Variants in TEX48 observed in about 807,000 individuals in gnomAD.
TEX48 encodes the protein testis expressed 48, also known as testis-expressed protein 48.
Under a neutral mutation model 13.2 loss-of-function variants are expected in TEX48, and 10 were observed. The observed-to-expected ratio is 0.75, with a 90% CI of 0.47 to 1.28. The LOEUF (loss-of-function observed/expected upper bound fraction) is 1.28. Ranked by LOEUF, TEX48 falls within the 50% of genes most tolerant of loss-of-function variation. The pLI is 0.00. For synonymous variants in TEX48, 45 were observed against 52.3 expected, an observed-to-expected ratio of 0.86 and a Z score of 0.60; for missense variants, 116 against 139.4, an observed-to-expected ratio of 0.83 and a Z score of 0.84.
At chr9:114,667,353 G>A (rs144881668) in intron 4 of TEX48, among the ~76,000 whole-genome samples, 7 of 152,298 alleles carry the variant, frequency 4.6e-5, no homozygotes, top group African/African-American at 1.7e-4. Flanking sequence ...CAGCAATGTG[G>A]CTGCATTTCT....
chr9:114,670,885 TAATG>T (rs949781528), intron 3 of TEX48, among the ~76,000 whole-genome samples: 25 of 152,206 alleles, frequency 1.6e-4, no homozygotes, highest in Non-Finnish European at 3.1e-4. Context: ...CTCACAATAA[TAATG>T]TATTGTGAAT....
intron 4 of TEX48, among the ~76,000 whole-genome samples, chr9:114,667,100 G>T (rs1014907871): frequency 6.6e-6 from 1 of 152,214 alleles, no homozygotes; most frequent in East Asian, 1.9e-4. Flanking sequence ...CTATGGGGGG[G>T]TGGGAAGGGC....
Position 114,680,120 on chromosome 9 carries a change from C to CTTTTTTTTTTTTTTTTTTTTTTTT in TEX48, c.-105+1914_-105+1915insAAAAAAAAAAAAAAAAAAAAAAAA, listed in dbSNP as rs2079145442. ...GAAAATACTTTTAATTGTCATTGTC[C>CTTTTTTTTTTTTTTTTTTTTTTTT]CTTTTTTTTTTTTTTTTTTTTTTTG... On this transcript the variant is annotated intron_variant, in intron 1 of 4. Coordinates refer to ENST00000436752, the MANE Select transcript of TEX48 (RefSeq NM_001199233.2). Among the ~76,000 whole-genome samples, 19 of 52,126 alleles carry CTTTTTTTTTTTTTTTTTTTTTTTT rather than the reference C, an allele frequency of 3.6e-4. 1 individual carries two copies. Among genetic ancestry groups the CTTTTTTTTTTTTTTTTTTTTTTTT allele is most frequent in the Non-Finnish European group, 5.6e-4 (15 of 26,614 alleles). 34.2% of individuals were successfully genotyped at this position (52,126 alleles called of 152,430 possible). A position where few individuals can be genotyped will look rare whatever the true frequency, so the allele number is the denominator to read the frequency against.
chr9:114,668,430 A>T, intron 3 of TEX48, 93 bp from the exon 4 acceptor site: 1 of 1,153,662 alleles, frequency 8.7e-7, no homozygotes. Context: ...CAGCGCACAC[A>T]GGCAAGTGGG....
intron 2 of TEX48, 48 bp from the exon 3 acceptor site, chr9:114,671,553 C>G: frequency 2.0e-6 from 3 of 1,533,544 alleles, no homozygotes; most frequent in Non-Finnish European, 2.6e-6. Flanking sequence ...AATCTGAATT[C>G]CAGATGCCTA....
In TEX48 at chr9:114,671,458, C is replaced by T. The variant is rs933987898; in HGVS notation, c.52G>A (p.Asp18Asn). 67 of 1,535,364 alleles carry T rather than the reference C, an allele frequency of 4.4e-5. No homozygotes were observed. The highest frequency in any genetic ancestry group is 5.6e-5 in the Non-Finnish European group (64 of 1,146,870). Reference protein sequence around the residue: ...ILKIFCLCCRDCQEPYAINDS... With the variant: ...ILKIFCLCCRNCQEPYAINDS... ...TTGATGGCATAGGGCTCCTGACAGTCCCTGCAGCATAAACAGAAGATCTTC... is the reference window on the plus strand; with the variant it reads ...TTGATGGCATAGGGCTCCTGACAGTTCCTGCAGCATAAACAGAAGATCTTC... The change falls in exon 3 of 5, where the codon GAC becomes AAC. Residue 18 changes from aspartate to asparagine, a missense_variant. Transcript: ENST00000436752.
intron 1 of TEX48, among the ~76,000 whole-genome samples, chr9:114,673,654 T>A (rs1233896012): frequency 2.0e-5 from 3 of 151,942 alleles, no homozygotes; most frequent in African/African-American, 4.8e-5. Context: ...ATGAAGACAT[T>A]ATAAGATAAA....
intron 1 of TEX48, among the ~76,000 whole-genome samples, chr9:114,673,469 C>T (rs1827986807): frequency 2.6e-5 from 1 of 38,506 alleles, no homozygotes; most frequent in Non-Finnish European, 4.7e-5. Flanking sequence ...AAAACTCTGT[C>T]TCAAAAAAAA....
At chr9:114,676,498 A>G (rs1289713059) in intron 1 of TEX48, among the ~76,000 whole-genome samples, 1 of 148,042 alleles carries the variant, frequency 6.8e-6, no homozygotes, top group African/African-American at 2.5e-5. Flanking sequence ...TTCTTCATTT[A>G]TTTCACATGT....
chr9:114,666,507 G>C lies in TEX48; in HGVS notation c.*136C>G. 1 of 573,764 alleles carries C rather than the reference G, an allele frequency of 1.7e-6. No individual in the cohort carries two copies. Among genetic ancestry groups the C allele is most frequent in the Non-Finnish European group, 3.0e-6 (1 of 331,124 alleles). 35.5% of individuals were successfully genotyped at this position (573,764 alleles called of 1,614,324 possible). On this transcript the variant is annotated 3_prime_UTR_variant, in exon 5 of 5. Coordinates refer to ENST00000436752, the MANE Select transcript of TEX48 (RefSeq NM_001199233.2). ...CTTTTTAGGAGCTGGAGTGACTCTT[G>C]CTTGGTGGCACAAGGATGGCTCAGA...
chr9:114,673,749 A>T (rs76063798), intron 1 of TEX48, among the ~76,000 whole-genome samples: 19,601 of 152,060 alleles, frequency 0.13, 1,489 homozygotes, highest in East Asian at 0.23. Flanking sequence ...ATGGAAATTC[A>T]CATTTACAGA....
chr9:114,675,665 A>C (rs1454232042), intron 1 of TEX48, among the ~76,000 whole-genome samples: 2 of 152,194 alleles, frequency 1.3e-5, no homozygotes, highest in Non-Finnish European at 2.9e-5. Context: ...TCTGGTAGAC[A>C]TGTAAATCCT....
chr9:114,681,973 C>G (rs1589382028), intron 1 of TEX48, 62 bp downstream of exon 1: 1 of 152,038 alleles, frequency 6.6e-6, no homozygotes, highest in Non-Finnish European at 1.5e-5. Flanking sequence ...GGACATTGTG[C>G]CTTTTAGTAC....
At position 114,671,846 on chromosome 9, in the gene TEX48, G is replaced by A. The variant is rs557399854; in HGVS notation, c.-104-19C>T. 301 of 1,129,480 alleles carry A rather than the reference G, an allele frequency of 2.7e-4. 2 individuals are homozygous for A. Among genetic ancestry groups the A allele is most frequent in the South Asian group, 2.5e-3 (185 of 74,600 alleles). 70.0% of individuals were successfully genotyped at this position (1,129,480 alleles called of 1,614,324 possible). ...CTGTTTCCTAAGTAAACATAAGACC[G>A]TGGCTGAAAAATGCTAGTCCTTCAC... On this transcript the variant is annotated intron_variant, in intron 1 of 4. Transcript: ENST00000436752.
chr9:114,681,241 C>T (rs867356822), intron 1 of TEX48, among the ~76,000 whole-genome samples: 2 of 152,244 alleles, frequency 1.3e-5, no homozygotes, highest in Middle Eastern at 3.4e-3. Context: ...TGTTGACACC[C>T]CGTGCTGATG....
intron 1 of TEX48, among the ~76,000 whole-genome samples, chr9:114,679,908 G>A (rs545406965): frequency 2.6e-5 from 4 of 151,958 alleles, no homozygotes; most frequent in Non-Finnish European, 5.9e-5. Context: ...AGAAACCTTC[G>A]GGTTTTATTT....
In TEX48 at chr9:114,671,703, G is replaced by C. The variant is rs772273678; in HGVS notation, c.4+17C>G. The stretch of plus-strand genomic sequence containing the variant: ...TGCCTAGGCCATTTTTTCCTATTCT[G>C]TACAAAGTTTTCTTACCCATGGAAA... On this transcript the variant is annotated intron_variant, in intron 2 of 4. Transcript: ENST00000436752. The C allele has an allele frequency of 6.5e-7, 1 of 1,535,526 alleles. No individual in the cohort carries two copies. Among genetic ancestry groups the C allele is most frequent in the East Asian group, 2.4e-5 (1 of 40,902 alleles).
chr9:114,676,416 T>C (rs1163629733), intron 1 of TEX48, among the ~76,000 whole-genome samples: 1 of 152,112 alleles, frequency 6.6e-6, no homozygotes, highest in Admixed American at 6.5e-5. Flanking sequence ...AGAGATCTCC[T>C]GCCTCAGCCT....
intron 3 of TEX48, among the ~76,000 whole-genome samples, chr9:114,670,606 C>A (rs967285553): frequency 6.6e-6 from 1 of 151,982 alleles, no homozygotes. Flanking sequence ...AGGGTGACTT[C>A]TCTGTCTCTC....
Sources: allele counts gnomAD v4.1 joint callset (sites outside exome capture counted in the v4.1 genomes callset), GRCh38; gene constraint gnomAD v4.1.1; transcripts MANE v1.5; gene names NCBI Gene and HGNC (gene_info 2026-07-23, HGNC 2026-07-21).